Variants in KCMF1 observed in about 807,000 individuals in gnomAD.
KCMF1 encodes E3 ubiquitin-protein ligase KCMF1.
KCMF1 carries 3 observed loss-of-function variants against 41.1 expected under a neutral mutation model. That is an observed-to-expected ratio of 0.07 (90% CI 0.03 to 0.19). The LOEUF (loss-of-function observed/expected upper bound fraction) is 0.19. KCMF1 is among the 10% of genes least tolerant of loss of function. The pLI is 1.00. For missense variants in KCMF1, 286 were observed against 488.9 expected (o/e 0.58, Z 3.91); for synonymous variants, 142 against 164.5 (o/e 0.86, Z 1.04).
intron 3 of KCMF1, among the ~76,000 whole-genome samples, chr2:85,037,842 A>G (rs1255861987): frequency 6.6e-6 from 1 of 152,248 alleles, no homozygotes; most frequent in Non-Finnish European, 1.5e-5. Context: ...CAAGCCACAG[A>G]GCAGAAGGTG....
chr2:85,023,455 A>C lies in KCMF1; in HGVS notation c.17-4434A>C, dbSNP rs1675003516. Among the ~76,000 whole-genome samples, 4 of 150,160 alleles carry C rather than the reference A, an allele frequency of 2.7e-5. No individual in the cohort carries two copies. In the Admixed American group the frequency reaches 2.7e-4, roughly 10 times the overall value. The stretch of plus-strand genomic sequence containing the variant: ...TGCCTCAGCTTCCTGAGTAGCTGGG[A>C]CTACAGGCGCCCGCCACCACGCCTG... On this transcript the variant is annotated intron_variant, in intron 1 of 6. Coordinates refer to ENST00000409785, the MANE Select transcript of KCMF1 (RefSeq NM_020122.5).
At chr2:85,023,708 T>C (rs143394596) in intron 1 of KCMF1, among the ~76,000 whole-genome samples, 1,592 of 152,218 alleles carry the variant, frequency 0.01, 20 homozygotes, top group African/African-American at 0.036. Context: ...AAAGATTCCC[T>C]CCCCGGGAAT....
Position 85,053,212 on chromosome 2 carries a change from A to G in KCMF1, c.949A>G (p.Ser317Gly). Residue 317 changes from serine (S) to glycine (G), a missense_variant, in exon 7 of 7, where the codon AGC becomes GGC. Ser to Gly is a moderately conservative substitution (Grantham distance 56). Coordinates refer to ENST00000409785, the MANE Select transcript of KCMF1 (RefSeq NM_020122.5). ...QSMESERADR[S>G]LFVQELLLST... ...CATGGAAAGCGAGCGTGCAGACCGC[A>G]GCCTGTTTGTCCAAGAGCTCCTTCT... 1 of 1,614,010 alleles carries G rather than the reference A, an allele frequency of 6.2e-7. No individual in the cohort carries two copies. Among genetic ancestry groups the G allele is most frequent in the South Asian group, 1.1e-5 (1 of 91,072 alleles).
chr2:85,028,411 C>T (rs992237070), intron 2 of KCMF1, among the ~76,000 whole-genome samples: 2 of 151,416 alleles, frequency 1.3e-5, no homozygotes, highest in Non-Finnish European at 2.9e-5. Context: ...TCTCGAACTC[C>T]TGACCTCAGT....
chr2:85,046,338 CTTT>C, intron 5 of KCMF1, 60 bp downstream of exon 5: 1 of 1,401,478 alleles, frequency 7.1e-7, no homozygotes, highest in Non-Finnish European at 9.9e-7. Context: ...CCTTTTAAAA[CTTT>C]TTGTGATGCC....
intron 6 of KCMF1, among the ~76,000 whole-genome samples, 183 bp from the exon 7 acceptor site, chr2:85,052,965 C>G (rs1675842468): frequency 6.6e-6 from 1 of 152,034 alleles, no homozygotes; most frequent in Non-Finnish European, 1.5e-5. Context: ...AACAGTATTG[C>G]AACAAGTGTG....
intron 1 of KCMF1, among the ~76,000 whole-genome samples, chr2:84,974,607 A>C (rs1397663529): frequency 7.2e-6 from 1 of 138,056 alleles, no homozygotes; most frequent in East Asian, 2.2e-4. Flanking sequence ...TTGAAAGATC[A>C]TGGCTCTGTT....
At chr2:85,016,891 T>C (rs1292685980) in intron 1 of KCMF1, among the ~76,000 whole-genome samples, 1 of 152,092 alleles carries the variant, frequency 6.6e-6, no homozygotes, top group African/African-American at 2.4e-5. Context: ...GGTTTCACAA[T>C]GTTGGCCAGG....
At chr2:85,029,370 C>A (rs1337742486) in intron 2 of KCMF1, among the ~76,000 whole-genome samples, 1 of 151,990 alleles carries the variant, frequency 6.6e-6, no homozygotes, top group East Asian at 1.9e-4. Flanking sequence ...ATCACTTGAG[C>A]CCAGGAGTTT....
chr2:85,008,363 T>TATATATGATATATA (rs1674556853), intron 1 of KCMF1, among the ~76,000 whole-genome samples: 2 of 13,448 alleles, frequency 1.5e-4, no homozygotes, highest in East Asian at 3.2e-3. Flanking sequence ...TAATATATAT[T>TATATATGATATATA]ATATATCATA....
In KCMF1 at chr2:85,056,143, C is replaced by G. The variant is rs1675923764; in HGVS notation, c.*2734C>G. 6.6e-6 allele frequency: 1 copy of G among 151,662 alleles called. No individual in the cohort carries two copies. The highest frequency in any genetic ancestry group is 1.5e-5 in the Non-Finnish European group (1 of 67,954). The allele number at this position is 151,662 out of a possible 1,614,324, so 9.4% of individuals were successfully genotyped here. A position where few individuals can be genotyped will look rare whatever the true frequency, so the allele number is the denominator to read the frequency against. On this transcript the variant is annotated 3_prime_UTR_variant, in exon 7 of 7. Coordinates refer to ENST00000409785, the MANE Select transcript of KCMF1 (RefSeq NM_020122.5). The stretch of plus-strand genomic sequence containing the variant: ...AAAAAAAAATCCACAGAAGTAGAAC[C>G]TAGGTTTGCTACTAACAAAGTAGTG...
chr2:85,052,327 T>C (rs946870231), intron 6 of KCMF1, among the ~76,000 whole-genome samples: 7 of 152,202 alleles, frequency 4.6e-5, no homozygotes, highest in African/African-American at 1.7e-4. Context: ...CGCCTTGGCC[T>C]CCCAAAGTGC....
intron 1 of KCMF1, among the ~76,000 whole-genome samples, chr2:84,990,365 A>G (rs1219671917): frequency 1.3e-5 from 2 of 152,194 alleles, no homozygotes; most frequent in Non-Finnish European, 2.9e-5. Context: ...GCCAGACACT[A>G]TTACTGAAGC....
chr2:84,993,390 A>G (rs150976127), intron 1 of KCMF1, among the ~76,000 whole-genome samples: 1,861 of 152,148 alleles, frequency 0.012, 50 homozygotes, highest in African/African-American at 0.043. Context: ...GTCAACCTGC[A>G]ATACAGAGAA....
intron 1 of KCMF1, among the ~76,000 whole-genome samples, chr2:85,001,689 G>A (rs749332651): frequency 6.6e-6 from 1 of 152,124 alleles, no homozygotes; most frequent in African/African-American, 2.4e-5. Flanking sequence ...TCCTGTGTGG[G>A]TGATACCTCC....
chr2:85,047,495 G>A (rs1390823469), intron 5 of KCMF1, among the ~76,000 whole-genome samples: 1 of 151,612 alleles, frequency 6.6e-6, no homozygotes, highest in Non-Finnish European at 1.5e-5. Flanking sequence ...TCTTCTCATG[G>A]AAGAAAGGAA....
Position 85,053,516 on chromosome 2 carries a change from C to A in KCMF1, c.*107C>A. ...TGATTGTAATTTCAGGTCTGTCACT[C>A]TTGTTACATTGTGTACATTCAAAAG... On this transcript the variant is annotated 3_prime_UTR_variant, in exon 7 of 7. Coordinates refer to ENST00000409785, the MANE Select transcript of KCMF1 (RefSeq NM_020122.5). The A allele has an allele frequency of 9.0e-7, 1 of 1,116,500 alleles. No individual in the cohort carries two copies. The highest frequency in any genetic ancestry group is 1.3e-6 in the Non-Finnish European group (1 of 791,400). The allele number at this position is 1,116,500 out of a possible 1,614,324, so 69.2% of individuals were successfully genotyped here.
At chr2:84,972,153 C>T (rs1673414648) in intron 1 of KCMF1, 2 of 152,232 alleles carry the variant, frequency 1.3e-5, no homozygotes, top group African/African-American at 4.8e-5. Context: ...GCTCAGTCAC[C>T]CAGGCGGAGC....
chr2:85,015,732 C>T (rs1459408414), intron 1 of KCMF1, among the ~76,000 whole-genome samples: 1 of 152,200 alleles, frequency 6.6e-6, no homozygotes, highest in Admixed American at 6.5e-5. Context: ...AGCTTTAAAT[C>T]ATCTGTAGCC....
Sources: gnomAD v4.1 joint callset for allele counts (sites outside exome capture counted in the v4.1 genomes callset) on GRCh38, gnomAD v4.1.1 for gene constraint, MANE v1.5 for transcripts, NCBI Gene and HGNC (gene_info 2026-07-23, HGNC 2026-07-21) for gene names.